Variants in GLYR1 observed in about 807,000 individuals in gnomAD.
The protein encoded by GLYR1 is glyoxylate reductase 1 homolog, also known as cytokine-like nuclear factor N-PAC.
GLYR1 carries 21 observed loss-of-function variants against 72.7 expected under a neutral mutation model. That is an observed-to-expected ratio of 0.29 (90% CI 0.20 to 0.42). The LOEUF is 0.42. Among genes scored for constraint, GLYR1 ranks in the 10% least tolerant of loss-of-function variants. The pLI, the probability that GLYR1 is intolerant of heterozygous loss-of-function variation, is 1.00. For synonymous variants in GLYR1, 392 were observed against 270.2 expected (o/e 1.45, Z -4.42); for missense variants, 594 against 712.1 (o/e 0.83, Z 1.89).
chr16:4,813,480 T>C (rs767474006), intron 12 of GLYR1, among the ~76,000 whole-genome samples: 52 of 152,304 alleles, frequency 3.4e-4, no homozygotes, highest in Non-Finnish European at 6.3e-4. Flanking sequence ...GCGGGCGGCC[T>C]GGGTTGCTTC....
intron 11 of GLYR1, 163 bp from the exon 12 acceptor site, chr16:4,814,001 T>C (rs1419213799): frequency 1.9e-6 from 1 of 521,230 alleles, no homozygotes; most frequent in Non-Finnish European, 3.4e-6. Context: ...AGAAAAGTAC[T>C]TCCCGCATGC....
intron 15 of GLYR1, among the ~76,000 whole-genome samples, chr16:4,806,920 C>T (rs1377873530): frequency 6.7e-6 from 1 of 150,228 alleles, no homozygotes; most frequent in Non-Finnish European, 1.5e-5. Flanking sequence ...CATTCTCCTG[C>T]TTCAGCCTCC....
At chr16:4,836,630 A>C (rs1379186645) in intron 3 of GLYR1, among the ~76,000 whole-genome samples, 3 of 152,194 alleles carry the variant, frequency 2.0e-5, no homozygotes, top group Non-Finnish European at 4.4e-5. Flanking sequence ...GATAAAAAGC[A>C]ATGCATGTTA....
rs1221983425 is a variant in GLYR1, at chr16:4,811,186, G to A, written c.1571C>T (p.Ala524Val). Residue 524 changes from alanine (A) to valine (V), a missense_variant, in exon 15 of 16, where the codon GCA becomes GTA. Ala to Val is a moderately conservative substitution (Grantham distance 64, BLOSUM62 0). Around this residue, in one of 5 missense-constraint regions of GLYR1, gnomAD observed 266 missense variants for 358.4 expected, o/e 0.74. Transcript: ENST00000321919. ...CTACCCTACCTCATTTGCTGCAGCT[G>A]CCATGGGAGTCGGATGGTTGACCGC... ...GDAVNHPTPM[A>V]AAANEVYKRA... The A allele has an allele frequency of 6.2e-7, 1 of 1,613,810 alleles. No individual in the cohort carries two copies. Among genetic ancestry groups the A allele is most frequent in the Non-Finnish European group, 8.5e-7 (1 of 1,180,002 alleles).
chr16:4,805,451 T>A (rs1288648665), intron 15 of GLYR1, 141 bp from the exon 16 acceptor site: 2 of 707,034 alleles, frequency 2.8e-6, no homozygotes, highest in East Asian at 5.3e-5. Flanking sequence ...TGTGTTGACC[T>A]TGCATGAAGC....
At chr16:4,819,383 C>T (rs772359397) in intron 9 of GLYR1, among the ~76,000 whole-genome samples, 15 of 152,114 alleles carry the variant, frequency 9.9e-5, no homozygotes, top group Non-Finnish European at 1.8e-4. Flanking sequence ...TCATAGCTCA[C>T]CGCAGCCTCA....
At chr16:4,836,589 G>T (rs962337744) in intron 3 of GLYR1, among the ~76,000 whole-genome samples, 1 of 152,142 alleles carries the variant, frequency 6.6e-6, no homozygotes, top group South Asian at 2.1e-4. Context: ...CGGATGTCTC[G>T]TAAGATATCT....
chr16:4,816,856 G>A (rs1292991158), intron 10 of GLYR1, among the ~76,000 whole-genome samples: 8 of 151,736 alleles, frequency 5.3e-5, no homozygotes, highest in South Asian at 2.1e-4. Context: ...GTGTGGTGGC[G>A]CGCGCCTGTA....
intron 1 of GLYR1, 70 bp downstream of exon 1, chr16:4,847,158 G>T: frequency 6.9e-7 from 1 of 1,443,712 alleles, no homozygotes. Context: ...CTCCAGGGCC[G>T]GCAGCGAACC....
intron 15 of GLYR1, among the ~76,000 whole-genome samples, chr16:4,806,720 C>T (rs544136494): frequency 3.3e-5 from 5 of 151,610 alleles, no homozygotes; most frequent in South Asian, 2.1e-4. Context: ...GGATTTATAC[C>T]GCAATCTGTA....
At chr16:4,843,401 C>A in intron 3 of GLYR1, 2 of 1,044,428 alleles carry the variant, frequency 1.9e-6, no homozygotes, top group Non-Finnish European at 2.4e-6. Context: ...GTGATCCACC[C>A]ACCTTGGCCT....
intron 11 of GLYR1, 106 bp from the exon 12 acceptor site, chr16:4,813,944 G>T: frequency 1.3e-6 from 1 of 784,840 alleles, no homozygotes; most frequent in Non-Finnish European, 2.0e-6. Flanking sequence ...CTCATTTCCT[G>T]ATTTCTATCA....
chr16:4,807,575 A>G (rs2083063847), intron 15 of GLYR1, among the ~76,000 whole-genome samples: 1 of 152,060 alleles, frequency 6.6e-6, no homozygotes, highest in Non-Finnish European at 1.5e-5. Flanking sequence ...TAACCTCTGA[A>G]CTCCTAACAG....
At chr16:4,827,646 A>G (rs2084478051) in intron 5 of GLYR1, among the ~76,000 whole-genome samples, 1 of 152,180 alleles carries the variant, frequency 6.6e-6, no homozygotes, top group South Asian at 2.1e-4. Context: ...CACGCCTGTC[A>G]TCCCAGCACT....
chr16:4,809,189 T>TG (rs1491214530), intron 15 of GLYR1, among the ~76,000 whole-genome samples: 2 of 42,374 alleles, frequency 4.7e-5, no homozygotes, highest in African/African-American at 5.8e-4. Context: ...GCAGCTTTCG[T>TG]TTTTTTTTTT....
At chr16:4,835,650 G>A (rs1269345463) in intron 3 of GLYR1, among the ~76,000 whole-genome samples, 1 of 152,184 alleles carries the variant, frequency 6.6e-6, no homozygotes, top group African/African-American at 2.4e-5. Context: ...GGCCAACATG[G>A]TGAAATCTCG....
intron 10 of GLYR1, 43 bp downstream of exon 10, chr16:4,817,555 C>T (rs754353350): frequency 1.6e-6 from 2 of 1,225,776 alleles, no homozygotes; most frequent in South Asian, 1.2e-5. Flanking sequence ...TAGGGTTACC[C>T]CAGACTCCAC....
Position 4,811,603 on chromosome 16 carries a change from A to C in GLYR1, c.1462+20T>G, listed in dbSNP as rs2083326390. ...CTAATCAAACACCAAATGCAAGAAG[A>C]GGGGCCAAAAACAACTCACTTTGGC... On this transcript the variant is annotated intron_variant, in intron 14 of 15. Transcript: ENST00000321919. The C allele has an allele frequency of 6.2e-7, 1 of 1,612,658 alleles. No individual in the cohort carries two copies. Among genetic ancestry groups the C allele is most frequent in the African/African-American group, 1.3e-5 (1 of 74,890 alleles).
intron 6 of GLYR1, among the ~76,000 whole-genome samples, chr16:4,823,304 G>T (rs1040574674): frequency 1.1e-4 from 17 of 152,262 alleles, no homozygotes; most frequent in Non-Finnish European, 2.4e-4. Context: ...CAGGGTTTTG[G>T]CCTACTTGTG....
Sources: gnomAD v4.1 joint callset for allele counts (sites outside exome capture counted in the v4.1 genomes callset) on GRCh38, gnomAD v4.1.1 for gene constraint, gnomAD v4.1.1 regional missense constraint, MANE v1.5 for transcripts, NCBI Gene and HGNC (gene_info 2026-07-23, HGNC 2026-07-21) for gene names.